Variants in KBTBD3 observed in about 807,000 individuals in gnomAD.
KBTBD3 encodes the protein kelch repeat and BTB domain containing 3, also known as kelch repeat and BTB domain-containing protein 3.
In KBTBD3, 38 loss-of-function variants were observed where a neutral mutation model predicts 49.6. The observed-to-expected ratio is 0.77, with a 90% confidence interval of 0.59 to 1.00. KBTBD3 has a LOEUF of 1.00. KBTBD3 is among the 50% of genes least tolerant of loss of function. The pLI, the probability that KBTBD3 is intolerant of heterozygous loss-of-function variation, is 0.00. For missense variants in KBTBD3, 661 were observed against 712.0 expected (o/e 0.93, Z 0.81); for synonymous variants, 214 against 250.4 (o/e 0.85, Z 1.37).
chr11:106,051,740 C>G lies in KBTBD3; in HGVS notation c.*1110G>C, dbSNP rs1860423174. The G allele has an allele frequency of 6.7e-6, 1 of 148,414 alleles. No homozygotes were observed. Among genetic ancestry groups the G allele is most frequent in the African/African-American group, 2.5e-5 (1 of 40,266 alleles). 9.2% of individuals were successfully genotyped at this position (148,414 alleles called of 1,614,324 possible). A position where few individuals can be genotyped will look rare whatever the true frequency, so the allele number is the denominator to read the frequency against. Reference sequence around the variant, plus strand: ...GTGGGTTAAAGATCAAACATCTTAACAGATGCAGGTTGTGAATACTATTAT... The same window carrying G: ...GTGGGTTAAAGATCAAACATCTTAAGAGATGCAGGTTGTGAATACTATTAT... On this transcript the variant is annotated 3_prime_UTR_variant, in exon 4 of 4. Transcript: ENST00000531837.
chr11:106,071,583 A>T (rs1352608767), intron 2 of KBTBD3, among the ~76,000 whole-genome samples: 3 of 152,164 alleles, frequency 2.0e-5, no homozygotes, highest in Non-Finnish European at 4.4e-5. Context: ...CACTGTTTTT[A>T]AAAAAAGTCT....
Position 106,054,354 on chromosome 11 carries a change from G to A in KBTBD3, c.335C>T (p.Thr112Ile). The change falls in exon 4 of 4, where the codon ACT becomes ATT. Residue 112 changes from threonine to isoleucine, a missense_variant. Physicochemically the swap from Thr to Ile is moderately conservative, Grantham distance 89. Transcript: ENST00000531837. ...AVKAFLDYAY[T>I]GKTKITDDNV... ...ATCATCTGTTATTTTTGTTTTTCCA[G>A]TATAGGCATAATCGAGAAATGCTTT... 1 of 1,612,830 alleles carries A rather than the reference G, an allele frequency of 6.2e-7. No homozygotes were observed. The highest frequency in any genetic ancestry group is 1.1e-5 in the South Asian group (1 of 90,896).
chr11:106,065,244 G>A (rs972257030), intron 2 of KBTBD3, among the ~76,000 whole-genome samples: 2 of 152,172 alleles, frequency 1.3e-5, no homozygotes, highest in African/African-American at 4.8e-5. Flanking sequence ...TTGACCTCGT[G>A]ATCCGCCCAC....
chr11:106,068,513 T>A (rs1298350847), intron 2 of KBTBD3, among the ~76,000 whole-genome samples: 2 of 152,156 alleles, frequency 1.3e-5, no homozygotes, highest in Non-Finnish European at 2.9e-5. Flanking sequence ...GAGGAAAATT[T>A]TTAGCATTAA....
intron 2 of KBTBD3, among the ~76,000 whole-genome samples, chr11:106,059,704 T>C (rs1477237342): frequency 6.6e-6 from 1 of 152,198 alleles, no homozygotes; most frequent in Non-Finnish European, 1.5e-5. Context: ...GAAAATCACA[T>C]ATATCTTAAT....
intron 2 of KBTBD3, among the ~76,000 whole-genome samples, chr11:106,071,928 C>T (rs562883403): frequency 6.6e-6 from 1 of 152,186 alleles, no homozygotes; most frequent in East Asian, 1.9e-4. Context: ...AACAGTTAAA[C>T]AATTCTCAAT....
At chr11:106,059,294 T>C (rs1860632974) in intron 2 of KBTBD3, among the ~76,000 whole-genome samples, 185 bp from the exon 3 acceptor site, 1 of 152,226 alleles carries the variant, frequency 6.6e-6, no homozygotes, top group Non-Finnish European at 1.5e-5. Flanking sequence ...TTTTCATAAA[T>C]GTTGAGCTCA....
At chr11:106,054,611 ATATAT>A (rs1860516101) in intron 3 of KBTBD3, among the ~76,000 whole-genome samples, 156 bp from the exon 4 acceptor site, 1 of 150,336 alleles carries the variant, frequency 6.7e-6, no homozygotes, top group Admixed American at 6.6e-5. Flanking sequence ...TAATTATATA[ATATAT>A]TATTTATCTG....
Position 106,053,082 on chromosome 11 carries a change from G to C in KBTBD3, c.1607C>G (p.Ser536Cys), listed in dbSNP as rs1267198527. 1.9e-6 allele frequency: 3 copies of C among 1,613,554 alleles called. No individual in the cohort carries two copies. The highest frequency in any genetic ancestry group is 1.7e-5 in the Admixed American group (1 of 59,892). The change falls in exon 4 of 4, where the codon TCT (serine) becomes TGT (cysteine). Residue 536 changes from serine (S) to cysteine (C), a missense_variant. By Grantham distance (112) the Ser-to-Cys change is moderately radical. Transcript: ENST00000531837. ...PDTCVWKGEG[S>C]FECAGFNAGA... The stretch of plus-strand genomic sequence containing the variant: ...TGCATTAAAGCCTGCACACTCAAAA[G>C]ATCCTTCGCCTTTCCAAACACAAGT...
At chr11:106,062,387 C>G (rs1448022493) in intron 2 of KBTBD3, among the ~76,000 whole-genome samples, 1 of 152,122 alleles carries the variant, frequency 6.6e-6, no homozygotes, top group Non-Finnish European at 1.5e-5. Context: ...GTCCCAAGAT[C>G]TACAACTAGT....
At position 106,054,046 on chromosome 11, in the gene KBTBD3, C is replaced by T. The variant is rs749358315; in HGVS notation, c.643G>A (p.Val215Ile). The change falls in exon 4 of 4, where the codon GTA (valine) becomes ATA (isoleucine). Residue 215 changes from valine to isoleucine, a missense_variant. Val to Ile is a conservative substitution (Grantham distance 29). Coordinates refer to ENST00000531837, the MANE Select transcript of KBTBD3 (RefSeq NM_198439.3). ...GTCCAACTAAGGACAACTTTCAGTA[C>T]CATTTCTTCTTCAGGAACATTTAAT... ...DELNVPEEEM[V>I]LKVVLSWTKH... 6.2e-7 allele frequency: 1 copy of T among 1,613,444 alleles called. No homozygotes were observed. Among genetic ancestry groups the T allele is most frequent in the African/African-American group, 1.3e-5 (1 of 74,880 alleles).
At chr11:106,070,560 A>G (rs1860898267) in intron 2 of KBTBD3, among the ~76,000 whole-genome samples, 1 of 152,132 alleles carries the variant, frequency 6.6e-6, no homozygotes, top group Non-Finnish European at 1.5e-5. Context: ...CTAACCATCT[A>G]TCAAAATAGC....
chr11:106,077,112 G>A (rs540655815), intron 1 of KBTBD3, among the ~76,000 whole-genome samples, 200 bp downstream of exon 1: 1 of 152,238 alleles, frequency 6.6e-6, no homozygotes, highest in Non-Finnish European at 1.5e-5. Flanking sequence ...GGGAAAGAAG[G>A]AACTCAGGGC....
chr11:106,054,047 C>T lies in KBTBD3; in HGVS notation c.642G>A (p.Met214Ile). ...SDELNVPEEE[M>I]VLKVVLSWTK... ...TCCAACTAAGGACAACTTTCAGTAC[C>T]ATTTCTTCTTCAGGAACATTTAATT... Residue 214 changes from methionine (M) to isoleucine (I), a missense_variant, in exon 4 of 4, where the codon ATG (methionine) becomes ATA (isoleucine). Physicochemically the swap from Met to Ile is conservative, Grantham distance 10 (BLOSUM62 1). Transcript: ENST00000531837. 2 of 1,613,556 alleles carry T rather than the reference C, an allele frequency of 1.2e-6. No homozygotes were observed. The highest frequency in any genetic ancestry group is 1.7e-6 in the Non-Finnish European group (2 of 1,179,730).
At chr11:106,067,874 C>T (rs1188689017) in intron 2 of KBTBD3, among the ~76,000 whole-genome samples, 1 of 151,854 alleles carries the variant, frequency 6.6e-6, no homozygotes, top group Non-Finnish European at 1.5e-5. Flanking sequence ...CTTTATGCTT[C>T]CTACAAGTAA....
chr11:106,067,300 T>A (rs548115943), intron 2 of KBTBD3, among the ~76,000 whole-genome samples: 6 of 152,174 alleles, frequency 3.9e-5, no homozygotes, highest in African/African-American at 1.4e-4. Context: ...GAAGGCTAAA[T>A]AATCACTAAA....
intron 3 of KBTBD3, among the ~76,000 whole-genome samples, chr11:106,058,332 G>T (rs1860601125): frequency 6.6e-6 from 1 of 150,524 alleles, no homozygotes; most frequent in Non-Finnish European, 1.5e-5. Flanking sequence ...AGTGAGCCGA[G>T]ATCGCACCAC....
Position 106,053,248 on chromosome 11 carries a change from C to A in KBTBD3, c.1441G>T (p.Ala481Ser), listed in dbSNP as rs1405638791. Residue 481 changes from alanine (A) to serine (S), a missense_variant, in exon 4 of 4, where the codon GCT (alanine) becomes TCT (serine). By Grantham distance (99) the Ala-to-Ser change is moderately conservative. Transcript: ENST00000531837. ...PSLDCFFKYN[A>S]TTDQWSELVA... ...AGTTCAGACCACTGATCAGTTGTAG[C>A]ATTGTATTTAAAAAAGCAATCAAGT... 2.5e-6 allele frequency: 4 copies of A among 1,613,502 alleles called. No individual in the cohort carries two copies. Among genetic ancestry groups the A allele is most frequent in the Non-Finnish European group, 3.4e-6 (4 of 1,179,804 alleles).
chr11:106,054,880 T>C (rs1218054082), intron 3 of KBTBD3, among the ~76,000 whole-genome samples: 1 of 152,122 alleles, frequency 6.6e-6, no homozygotes. Context: ...GTCTTTCAAA[T>C]TCATCTTTGA....
Sources: gnomAD v4.1 joint callset for allele counts (sites outside exome capture counted in the v4.1 genomes callset) on GRCh38, gnomAD v4.1.1 for gene constraint, MANE v1.5 for transcripts, NCBI Gene and HGNC (gene_info 2026-07-23, HGNC 2026-07-21) for gene names.